CDH18: variants seen among roughly 807,000 people sequenced by gnomAD.
CDH18 encodes the protein cadherin-18.
CDH18 carries 31 observed loss-of-function variants against 67.9 expected under a neutral mutation model. The ratio of observed to expected loss-of-function variants is 0.46; its 90% CI spans 0.34 to 0.62. CDH18 has a LOEUF of 0.62. Ranked by LOEUF, CDH18 falls within the 20% of genes least tolerant of loss-of-function variation. The pLI, the probability that CDH18 is intolerant of heterozygous loss-of-function variation, is 0.01. For synonymous variants in CDH18, 362 were observed against 347.2 expected (o/e 1.04, Z -0.48); for missense variants, 890 against 975.5 (o/e 0.91, Z 1.17).
At chr5:20,475,542 A>C (rs1158558325) in intron 1 of CDH18, among the ~76,000 whole-genome samples, 1 of 152,170 alleles carries the variant, frequency 6.6e-6, no homozygotes, top group Non-Finnish European at 1.5e-5. Flanking sequence ...ATTAGCTTTG[A>C]CATATAGGAA....
intron 7 of CDH18, among the ~76,000 whole-genome samples, chr5:19,579,211 T>C (rs1461025835): frequency 6.6e-6 from 1 of 151,968 alleles, no homozygotes; most frequent in Non-Finnish European, 1.5e-5. Flanking sequence ...GTATATATTG[T>C]GATTTCTTCT....
intron 1 of CDH18, among the ~76,000 whole-genome samples, chr5:20,371,535 C>T (rs905203714): frequency 1.3e-5 from 2 of 151,844 alleles, no homozygotes; most frequent in African/African-American, 2.4e-5. Context: ...CATTTGTGAC[C>T]GAGATTCAAG....
chr5:20,080,450 G>C (rs1744353635), intron 2 of CDH18, among the ~76,000 whole-genome samples: 1 of 152,116 alleles, frequency 6.6e-6, no homozygotes, highest in African/African-American at 2.4e-5. Context: ...CGCATGGCTA[G>C]AGTACCAACA....
At chr5:20,538,063 T>C (rs1756828416) in intron 1 of CDH18, among the ~76,000 whole-genome samples, 1 of 150,972 alleles carries the variant, frequency 6.6e-6, no homozygotes. Context: ...TTTTGACCCA[T>C]AAGCTCAGAA....
chr5:19,916,158 T>A (rs1171371631), intron 2 of CDH18, among the ~76,000 whole-genome samples: 2 of 152,128 alleles, frequency 1.3e-5, no homozygotes, highest in Non-Finnish European at 2.9e-5. Context: ...AATCAGATTC[T>A]ATCCTTCCTC....
At chr5:19,514,614 T>TC (rs1424259944) in intron 10 of CDH18, among the ~76,000 whole-genome samples, 1 of 152,226 alleles carries the variant, frequency 6.6e-6, no homozygotes, top group Non-Finnish European at 1.5e-5. Flanking sequence ...GAGCATTTTT[T>TC]CATGCGTCTG....
At chr5:19,534,104 T>A (rs1004234158) in intron 9 of CDH18, among the ~76,000 whole-genome samples, 3 of 152,110 alleles carry the variant, frequency 2.0e-5, no homozygotes, top group African/African-American at 7.2e-5. Context: ...GATTGTCTCA[T>A]CAAATTGCTC....
rs373129280 is a variant in CDH18 at position 19,473,179 on chromosome 5, C to T, written c.*47G>A. 9 of 1,585,116 alleles carry T rather than the reference C, an allele frequency of 5.7e-6. No individual in the cohort carries two copies. The highest frequency in any genetic ancestry group is 1.3e-5 in the African/African-American group (1 of 74,162). On this transcript the variant is annotated 3_prime_UTR_variant, in exon 13 of 13. Transcript: ENST00000382275. ...CCTTGTCATTGCTGAGGTTGTATAT[C>T]CACTTACTCAGGAAGCAAATTCCAC...
At chr5:19,741,258 T>TAC (rs1554020271) in intron 4 of CDH18, among the ~76,000 whole-genome samples, 10 of 143,252 alleles carry the variant, frequency 7.0e-5, no homozygotes, top group Admixed American at 4.3e-4. Flanking sequence ...TGTATATATG[T>TAC]ATACATATAT....
chr5:19,971,015 A>G (rs967394142), intron 2 of CDH18, among the ~76,000 whole-genome samples: 1 of 151,904 alleles, frequency 6.6e-6, no homozygotes, highest in Non-Finnish European at 1.5e-5. Flanking sequence ...CTGCTGGAGC[A>G]TAAGTCTTTC....
chr5:20,229,588 A>G (rs892380602), intron 2 of CDH18, among the ~76,000 whole-genome samples: 23 of 152,280 alleles, frequency 1.5e-4, no homozygotes, highest in African/African-American at 5.3e-4. Flanking sequence ...TAATTAAAAA[A>G]GTAATTTTTC....
At chr5:19,830,999 C>A (rs1780964456) in intron 3 of CDH18, among the ~76,000 whole-genome samples, 1 of 151,974 alleles carries the variant, frequency 6.6e-6, no homozygotes, top group South Asian at 2.1e-4. Flanking sequence ...TACATATAAA[C>A]ACAAAGAAGG....
intron 5 of CDH18, among the ~76,000 whole-genome samples, chr5:19,630,267 A>G (rs1449243826): frequency 6.6e-6 from 1 of 152,026 alleles, no homozygotes; most frequent in Non-Finnish European, 1.5e-5. Context: ...TAAATTTTTT[A>G]TTCAGTTATT....
intron 2 of CDH18, among the ~76,000 whole-genome samples, chr5:20,009,665 G>T (rs1737230534): frequency 6.6e-6 from 1 of 152,064 alleles, no homozygotes; most frequent in Non-Finnish European, 1.5e-5. Flanking sequence ...TGTAAAAGAG[G>T]TTCATGATAA....
chr5:20,048,404 T>A (rs973998841), intron 2 of CDH18, among the ~76,000 whole-genome samples: 1 of 151,778 alleles, frequency 6.6e-6, no homozygotes, highest in Non-Finnish European at 1.5e-5. Flanking sequence ...CTACCCTCTT[T>A]ATGGAATAAT....
intron 2 of CDH18, among the ~76,000 whole-genome samples, chr5:20,056,460 C>CTTTTTTTTTTTTTTTTTTTTTT (rs1561753951): frequency 5.4e-5 from 1 of 18,646 alleles, no homozygotes. Context: ...TATTATTTTT[C>CTTTTTTTTTTTTTTTTTTTTTT]TTTATTTTCT....
intron 5 of CDH18, among the ~76,000 whole-genome samples, chr5:19,645,652 G>A (rs1449105540): frequency 6.6e-6 from 1 of 152,112 alleles, no homozygotes; most frequent in Non-Finnish European, 1.5e-5. Context: ...CACTTTCTGT[G>A]TCATTTCATT....
rs548502852 is a variant in CDH18 at position 20,552,759 on chromosome 5, AT to A, written c.-580+22702del. On this transcript the variant is annotated intron_variant, in intron 1 of 14. Coordinates refer to the CDH18 transcript ENST00000507958. ...GTTTTCACCTTAATAATGTCTTAAGATTTTTTTTTTTTCAAACAGAGTCTTG... is the reference window on the plus strand; with the variant it reads ...GTTTTCACCTTAATAATGTCTTAAGATTTTTTTTTTTCAAACAGAGTCTTG... Among the ~76,000 whole-genome samples, 113 of 147,418 alleles carry A rather than the reference AT, an allele frequency of 7.7e-4. 1 individual carries two copies. In the South Asian group the frequency reaches 8.4e-3, roughly 11 times the overall value.
chr5:20,371,895 G>T (rs1425981359), intron 1 of CDH18, among the ~76,000 whole-genome samples: 1 of 152,170 alleles, frequency 6.6e-6, no homozygotes, highest in Non-Finnish European at 1.5e-5. Context: ...TTGGCGATAT[G>T]AGCATGAGGA....
Sources: gnomAD v4.1 joint callset for allele counts (sites outside exome capture counted in the v4.1 genomes callset) on GRCh38, gnomAD v4.1.1 for gene constraint, MANE v1.5 for transcripts, NCBI Gene and HGNC (gene_info 2026-07-23, HGNC 2026-07-21) for gene names.